Variants in ADAMTS17 observed in about 807,000 individuals in gnomAD.
ADAMTS17 encodes A disintegrin and metalloproteinase with thrombospondin motifs 17.
Under a neutral mutation model 141.5 loss-of-function variants are expected in ADAMTS17, and 113 were observed. The observed-to-expected ratio is 0.80, with a 90% CI of 0.69 to 0.93. The LOEUF (loss-of-function observed/expected upper bound fraction) is 0.93, where lower values mean the gene tolerates loss of function less well. Ranked by LOEUF, ADAMTS17 falls within the 40% of genes least tolerant of loss-of-function variation. ADAMTS17 has a pLI of 0.00. For synonymous variants in ADAMTS17, 768 were observed against 630.6 expected, an observed-to-expected ratio of 1.22 and a Z score of -3.27; for missense variants, 1,659 against 1,517.9, an observed-to-expected ratio of 1.09 and a Z score of -1.54.
intron 12 of ADAMTS17, among the ~76,000 whole-genome samples, chr15:100,127,185 C>G (rs767098420): frequency 6.6e-6 from 1 of 152,120 alleles, no homozygotes; most frequent in South Asian, 2.1e-4. Flanking sequence ...ATAGTCCACT[C>G]GGAACCTGCA....
intron 14 of ADAMTS17, among the ~76,000 whole-genome samples, chr15:100,103,038 G>A (rs1205884074): frequency 6.6e-6 from 1 of 152,200 alleles, no homozygotes; most frequent in Admixed American, 6.5e-5. Context: ...TCCAGAAAGA[G>A]GTGGGATCTT....
At position 100,322,664 on chromosome 15, in the gene ADAMTS17, C is replaced by A. The variant is rs115776623; in HGVS notation, c.616+8225G>T. On this transcript the variant is annotated intron_variant, in intron 3 of 21. Transcript: ENST00000268070. ...ACAAGAATTTTGAAGCAATTATTAC[C>A]ATAATGCTCAAGGACTTAAAGGAAA... Among the ~76,000 whole-genome samples, 1,114 of 152,252 alleles carry A rather than the reference C, an allele frequency of 7.3e-3. 16 individuals carry two copies. Among genetic ancestry groups the A allele is most frequent in the African/African-American group, 0.025 (1,047 of 41,564 alleles).
At chr15:100,001,430 TG>T (rs1039621838) in intron 18 of ADAMTS17, among the ~76,000 whole-genome samples, 1 of 151,750 alleles carries the variant, frequency 6.6e-6, no homozygotes. Flanking sequence ...CTTTGTATGA[TG>T]CTATAACGGT....
At chr15:100,031,378 G>A (rs933068833) in intron 18 of ADAMTS17, among the ~76,000 whole-genome samples, 1 of 152,224 alleles carries the variant, frequency 6.6e-6, no homozygotes, top group Non-Finnish European at 1.5e-5. Context: ...GTAAAGGAAA[G>A]ATTTAAAATA....
chr15:100,336,763 G>A (rs2046219363), intron 2 of ADAMTS17, among the ~76,000 whole-genome samples: 2 of 152,086 alleles, frequency 1.3e-5, no homozygotes, highest in African/African-American at 4.8e-5. Context: ...CAATCGAAAG[G>A]GTTTGAAAAC....
intron 20 of ADAMTS17, among the ~76,000 whole-genome samples, chr15:99,987,941 C>A (rs2060623111): frequency 6.6e-6 from 1 of 151,992 alleles, no homozygotes; most frequent in Admixed American, 6.5e-5. Flanking sequence ...CCCCCACTGG[C>A]ATGCTCCTGG....
intron 2 of ADAMTS17, among the ~76,000 whole-genome samples, 187 bp from the exon 3 acceptor site, chr15:100,331,241 C>T (rs2046044971): frequency 6.6e-6 from 1 of 152,152 alleles, no homozygotes; most frequent in African/African-American, 2.4e-5. Context: ...ACAAACATAC[C>T]ACAGAGCAGC....
intron 8 of ADAMTS17, among the ~76,000 whole-genome samples, chr15:100,188,924 G>C (rs1395423883): frequency 1.3e-5 from 2 of 152,200 alleles, no homozygotes; most frequent in African/African-American, 4.8e-5. Flanking sequence ...GGAAAAAAAA[G>C]TCTTTTGCTT....
chr15:100,131,476 T>C lies in ADAMTS17; in HGVS notation c.1721+531A>G, dbSNP rs577463681. ...CGATCCCTGAGTTTCGTGGAACAAA[T>C]GTACAAAGGTGAACAGGAAAGGTCA... On this transcript the variant is annotated intron_variant, in intron 12 of 21. Transcript: ENST00000268070. Among the ~76,000 whole-genome samples, 7 of 151,164 alleles carry C rather than the reference T, an allele frequency of 4.6e-5. No individual in the cohort carries two copies. In the South Asian group the frequency reaches 1.5e-3, roughly 32 times the overall value.
At chr15:100,020,157 T>A (rs930623085) in intron 18 of ADAMTS17, among the ~76,000 whole-genome samples, 3 of 152,222 alleles carry the variant, frequency 2.0e-5, no homozygotes, top group Non-Finnish European at 4.4e-5. Flanking sequence ...CCTGCCCTGC[T>A]GGCCCAGCTG....
chr15:100,099,040 A>C lies in ADAMTS17; in HGVS notation c.2017-2564T>G, dbSNP rs183750693. Among the ~76,000 whole-genome samples the C allele has an allele frequency of 3.9e-5, 6 of 152,308 alleles. No individual in the cohort carries two copies. The East Asian group carries it at 9.6e-4, about 24-fold the overall frequency. ...GGTTCCTTGTCCTGCACCTCAGTTA[A>C]GGTTTCCTGATTCAACAGCTTCTAG... is the stretch of plus-strand genomic sequence containing the variant. On this transcript the variant is annotated intron_variant, in intron 14 of 21. Transcript: ENST00000268070.
At chr15:100,317,954 C>T (rs1475786359) in intron 3 of ADAMTS17, among the ~76,000 whole-genome samples, 2 of 152,164 alleles carry the variant, frequency 1.3e-5, no homozygotes, top group African/African-American at 4.8e-5. Flanking sequence ...GGACAGCGTC[C>T]TGTGAATGGG....
intron 3 of ADAMTS17, among the ~76,000 whole-genome samples, chr15:100,298,860 A>G (rs1316914020): frequency 6.6e-6 from 1 of 152,210 alleles, no homozygotes; most frequent in Non-Finnish European, 1.5e-5. Context: ...CTTAAATGAA[A>G]GAAATTTACT....
intron 18 of ADAMTS17, among the ~76,000 whole-genome samples, chr15:100,003,110 C>A (rs557498385): frequency 1.9e-4 from 29 of 152,164 alleles, no homozygotes; most frequent in African/African-American, 6.5e-4. Context: ...CTCCACCTGC[C>A]GAGAGCACAG....
intron 8 of ADAMTS17, among the ~76,000 whole-genome samples, chr15:100,160,986 C>A (rs2039667103): frequency 6.6e-6 from 1 of 152,152 alleles, no homozygotes; most frequent in South Asian, 2.1e-4. Flanking sequence ...TTATTTCTGG[C>A]AACATTATAT....
At chr15:100,077,030 T>C (rs187186187) in intron 15 of ADAMTS17, among the ~76,000 whole-genome samples, 17 of 152,110 alleles carry the variant, frequency 1.1e-4, no homozygotes, top group Admixed American at 5.2e-4. Context: ...GTATCATATA[T>C]GAATATGCAC....
At chr15:99,984,289 T>C (rs2060540374) in intron 20 of ADAMTS17, among the ~76,000 whole-genome samples, 1 of 152,116 alleles carries the variant, frequency 6.6e-6, no homozygotes, top group Admixed American at 6.6e-5. Context: ...TCATCCTCTT[T>C]CCTGGGGCTG....
intron 4 of ADAMTS17, among the ~76,000 whole-genome samples, chr15:100,264,127 G>A (rs79453458): frequency 0.051 from 7,756 of 152,274 alleles, 471 homozygotes; most frequent in African/African-American, 0.14. Flanking sequence ...CAGTTGTTCT[G>A]TTCTCACTTC....
chr15:100,144,846 C>T (rs1304746868), intron 10 of ADAMTS17, among the ~76,000 whole-genome samples: 1 of 151,380 alleles, frequency 6.6e-6, no homozygotes, highest in Non-Finnish European at 1.5e-5. Context: ...GTGGGCTCAT[C>T]TTGAGGCAGG....
Sources: allele counts gnomAD v4.1 joint callset (sites outside exome capture counted in the v4.1 genomes callset), GRCh38; gene constraint gnomAD v4.1.1; transcripts MANE v1.5; gene names NCBI Gene and HGNC (gene_info 2026-07-23, HGNC 2026-07-21).